Variants in CCBE1 observed in about 807,000 individuals in gnomAD.
CCBE1 encodes collagen and calcium binding EGF domains 1.
In CCBE1, 37 loss-of-function variants were observed where a neutral mutation model predicts 50.0. That is an observed-to-expected ratio of 0.74 (90% CI 0.57 to 0.97). The LOEUF (loss-of-function observed/expected upper bound fraction) is 0.97. CCBE1 is among the 50% of genes least tolerant of loss of function. CCBE1 has a pLI of 0.00. For synonymous variants in CCBE1, 234 were observed against 203.7 expected (o/e 1.15, Z -1.27); for missense variants, 538 against 523.8 (o/e 1.03, Z -0.26).
intron 2 of CCBE1, among the ~76,000 whole-genome samples, chr18:59,500,120 C>T (rs947541456): frequency 1.3e-5 from 2 of 152,154 alleles, no homozygotes; most frequent in African/African-American, 4.8e-5. Flanking sequence ...ATCCTGAGGA[C>T]CTCTTAGGCC....
At chr18:59,440,965 G>GCCT (rs1305418754) in intron 7 of CCBE1, among the ~76,000 whole-genome samples, 1 of 152,196 alleles carries the variant, frequency 6.6e-6, no homozygotes, top group Non-Finnish European at 1.5e-5. Context: ...GGTAACCTAG[G>GCCT]CCTCCACTAA....
intron 2 of CCBE1, among the ~76,000 whole-genome samples, chr18:59,508,710 G>GTTTTTT (rs1568177680): frequency 8.0e-5 from 8 of 99,400 alleles, no homozygotes; most frequent in Non-Finnish European, 1.2e-4. Flanking sequence ...ATAGAGTTAC[G>GTTTTTT]CTTTTTTTTT....
intron 2 of CCBE1, among the ~76,000 whole-genome samples, chr18:59,644,696 G>A (rs1345294184): frequency 6.6e-6 from 1 of 152,040 alleles, no homozygotes. Context: ...GTGTACACAT[G>A]CCCCCTAATA....
At chr18:59,453,150 A>G (rs1365723562) in intron 6 of CCBE1, among the ~76,000 whole-genome samples, 1 of 152,234 alleles carries the variant, frequency 6.6e-6, no homozygotes, top group African/African-American at 2.4e-5. Context: ...CCTAAAGATC[A>G]TCCTGGCTGG....
At chr18:59,653,425 A>G (rs556020701) in intron 2 of CCBE1, among the ~76,000 whole-genome samples, 1 of 152,360 alleles carries the variant, frequency 6.6e-6, no homozygotes, top group African/African-American at 2.4e-5. Flanking sequence ...CTGGGGACTC[A>G]TCACTCACTA....
At chr18:59,691,915 G>T (rs77273246) in intron 2 of CCBE1, among the ~76,000 whole-genome samples, 4,132 of 152,244 alleles carry the variant, frequency 0.027, 98 homozygotes, top group Middle Eastern at 0.065. Context: ...ATAATCCTGG[G>T]GAAGGGATGA....
At chr18:59,544,511 C>T (rs1276727924) in intron 2 of CCBE1, among the ~76,000 whole-genome samples, 1 of 152,168 alleles carries the variant, frequency 6.6e-6, no homozygotes, top group Admixed American at 6.5e-5. Flanking sequence ...TCACATGCAC[C>T]CATGTATTGC....
At chr18:59,449,577 G>A (rs545522116) in intron 6 of CCBE1, among the ~76,000 whole-genome samples, 27 of 143,118 alleles carry the variant, frequency 1.9e-4, no homozygotes, top group African/African-American at 5.3e-4. Flanking sequence ...AGCCGAGATC[G>A]CACCACTGCA....
chr18:59,435,882 C>T lies in CCBE1; in HGVS notation c.*26G>A. The T allele has an allele frequency of 1.9e-6, 3 of 1,595,152 alleles. No homozygotes were observed. Among genetic ancestry groups the T allele is most frequent in the Non-Finnish European group, 1.7e-6 (2 of 1,162,662 alleles). ...TGCAGGTGAGTTGATCTTTCTCTTC[C>T]TTTGGCGTGACGGTGTTGGGATGTG... On this transcript the variant is annotated 3_prime_UTR_variant, in exon 11 of 11. Coordinates refer to ENST00000439986, the MANE Select transcript of CCBE1 (RefSeq NM_133459.4).
At chr18:59,479,309 C>CT (rs1912458400) in intron 3 of CCBE1, among the ~76,000 whole-genome samples, 1 of 152,200 alleles carries the variant, frequency 6.6e-6, no homozygotes, top group South Asian at 2.1e-4. Flanking sequence ...CCTGGGCAGT[C>CT]TTCCTTGATA....
At chr18:59,651,340 C>T (rs2054125770) in intron 2 of CCBE1, among the ~76,000 whole-genome samples, 1 of 152,216 alleles carries the variant, frequency 6.6e-6, no homozygotes, top group South Asian at 2.1e-4. Context: ...GTCCATACCA[C>T]CGGGTTATGG....
intron 2 of CCBE1, among the ~76,000 whole-genome samples, chr18:59,642,671 C>G (rs960183253): frequency 6.6e-6 from 1 of 152,116 alleles, no homozygotes; most frequent in East Asian, 1.9e-4. Context: ...TACAATGGGC[C>G]GGGCGCGGTG....
intron 2 of CCBE1, among the ~76,000 whole-genome samples, chr18:59,608,855 C>T (rs1184887652): frequency 1.3e-5 from 2 of 152,138 alleles, no homozygotes; most frequent in Non-Finnish European, 2.9e-5. Context: ...TCTATTGGGC[C>T]TGTCCAAATC....
intron 2 of CCBE1, among the ~76,000 whole-genome samples, chr18:59,641,546 TGA>T (rs1568248856): frequency 8.6e-6 from 1 of 116,124 alleles, no homozygotes; most frequent in Non-Finnish European, 2.2e-5. Flanking sequence ...CCAAACCCCG[TGA>T]CACAAGATTT....
chr18:59,569,925 C>T lies in CCBE1; in HGVS notation c.213-89687G>A, dbSNP rs118024422. ...GGATTAGAGGAGTGAACCACTGCAC[C>T]CGGCCTCAGCTCCCTTTTCTTAGGC... On this transcript the variant is annotated intron_variant, in intron 2 of 10. Transcript: ENST00000439986. Among the ~76,000 whole-genome samples the T allele has an allele frequency of 2.0e-4, 30 of 152,310 alleles. No homozygotes were observed. The East Asian group carries it at 5.6e-3, about 28-fold the overall frequency.
chr18:59,655,917 C>A (rs12970058), intron 2 of CCBE1, among the ~76,000 whole-genome samples: 87,904 of 152,066 alleles, frequency 0.58, 26,358 homozygotes, highest in East Asian at 0.95. Context: ...CACCACATTC[C>A]CTTTTCATGA....
At position 59,439,565 on chromosome 18, in the gene CCBE1, G is replaced by A. The variant is rs140470196; in HGVS notation, c.929C>T (p.Ala310Val). 186 of 1,614,130 alleles carry A rather than the reference G, an allele frequency of 1.2e-4. 1 individual carries two copies. Among genetic ancestry groups the A allele is most frequent in the Non-Finnish European group, 1.5e-4 (180 of 1,180,042 alleles). Residue 310 changes from alanine to valine, a missense_variant, in exon 9 of 11, where the codon GCA (alanine) becomes GTA (valine). Transcript: ENST00000439986. ...GRRGPVGPPGAPGRDGSKGER... is the reference protein window; with the variant it reads ...GRRGPVGPPGVPGRDGSKGER... The stretch of plus-strand genomic sequence containing the variant: ...TACCTTAGAACCATCTCTTCCTGGT[G>A]CCCCTGGTGGACCCTGTAATACAAA...
chr18:59,599,624 C>A (rs1568227383), intron 2 of CCBE1, among the ~76,000 whole-genome samples: 2 of 152,164 alleles, frequency 1.3e-5, no homozygotes, highest in Admixed American at 6.5e-5. Context: ...ACACAATTTG[C>A]TATCAGATCT....
intron 2 of CCBE1, among the ~76,000 whole-genome samples, chr18:59,496,204 G>A (rs1913348096): frequency 6.6e-6 from 1 of 152,144 alleles, no homozygotes; most frequent in African/African-American, 2.4e-5. Context: ...GTTACAGGAG[G>A]CTATACAGAT....
Sources: gnomAD v4.1 joint callset for allele counts (sites outside exome capture counted in the v4.1 genomes callset) on GRCh38, gnomAD v4.1.1 for gene constraint, MANE v1.5 for transcripts, NCBI Gene and HGNC (gene_info 2026-07-23, HGNC 2026-07-21) for gene names.